The following ZDHHC7 variants were observed in gnomAD, a reference collection of about 807,000 sequenced individuals.
ZDHHC7 encodes zDHHC palmitoyltransferase 7, also known as palmitoyltransferase ZDHHC7.
A neutral mutation model predicts 34.1 loss-of-function variants in ZDHHC7; 12 were observed. The observed-to-expected ratio is 0.35, with a 90% confidence interval of 0.23 to 0.57. The LOEUF is 0.57. Ranked by LOEUF, ZDHHC7 falls within the 20% of genes least tolerant of loss-of-function variation. ZDHHC7 has a pLI of 0.84. For missense variants in ZDHHC7, 388 were observed against 402.7 expected, an observed-to-expected ratio of 0.96 and a Z score of 0.31; for synonymous variants, 185 against 155.4, an observed-to-expected ratio of 1.19 and a Z score of -1.42.
At chr16:85,019,232 T>C in the ZDHHC7 span, among the ~76,000 whole-genome samples, 1 of 152,228 alleles carries the variant, frequency 6.6e-6, no homozygotes, top group Non-Finnish European at 1.5e-5. Flanking sequence ...CCTTGCCACA[T>C]CTCACGTCTC....
At chr16:84,987,670 G>C (rs958340343) in intron 3 of ZDHHC7, among the ~76,000 whole-genome samples, 1 of 152,216 alleles carries the variant, frequency 6.6e-6, no homozygotes, top group African/African-American at 2.4e-5. Flanking sequence ...AGCATGATTT[G>C]TAACAGCCGA....
chr16:85,022,615 A>G, the ZDHHC7 span, among the ~76,000 whole-genome samples: 2 of 152,166 alleles, frequency 1.3e-5, no homozygotes, highest in Non-Finnish European at 2.9e-5. Flanking sequence ...CTGAAAGTTC[A>G]TTGAGTTTGT....
upstream of ZDHHC7, among the ~76,000 whole-genome samples, chr16:85,011,994 C>G (rs570859461): frequency 1.3e-5 from 2 of 152,178 alleles, no homozygotes; most frequent in African/African-American, 4.8e-5. Context: ...CTGAGGTCCG[C>G]GGAGCCCCCG....
At chr16:85,013,634 T>G (rs60115438), upstream of ZDHHC7, among the ~76,000 whole-genome samples, 14,671 of 152,292 alleles carry the variant, frequency 0.096, 1,042 homozygotes, top group African/African-American at 0.19. Flanking sequence ...CTTATGAATA[T>G]ATGAGATGTA....
intron 6 of ZDHHC7, 109 bp downstream of exon 6, chr16:84,977,815 T>C: frequency 1.2e-6 from 1 of 805,354 alleles, no homozygotes; most frequent in African/African-American, 1.8e-5. Context: ...CTAAAATAAT[T>C]GCAATGATTT....
chr16:84,987,810 C>T (rs1301657417), intron 3 of ZDHHC7, among the ~76,000 whole-genome samples: 1 of 152,152 alleles, frequency 6.6e-6, no homozygotes, highest in Non-Finnish European at 1.5e-5. Context: ...CGATGGACCC[C>T]GAAGACGCAA....
At chr16:84,986,539 G>C (rs980166256) in intron 3 of ZDHHC7, among the ~76,000 whole-genome samples, 1 of 152,190 alleles carries the variant, frequency 6.6e-6, no homozygotes, top group African/African-American at 2.4e-5. Context: ...AAGGGATGCA[G>C]GGCCCAGGGC....
At chr16:85,003,756 G>C (rs2072681645) in intron 1 of ZDHHC7, among the ~76,000 whole-genome samples, 1 of 152,168 alleles carries the variant, frequency 6.6e-6, no homozygotes, top group African/African-American at 2.4e-5. Flanking sequence ...AGTAGGATCA[G>C]AACACTGCAG....
chr16:84,990,405 G>A lies in ZDHHC7; in HGVS notation c.214C>T (p.Pro72Ser), dbSNP rs867198187. Residue 72 changes from proline (P) to serine (S), a missense_variant, in exon 3 of 8, where the codon CCT becomes TCT. By Grantham distance (74) the Pro-to-Ser change is moderately conservative. Coordinates refer to ENST00000313732, the MANE Select transcript of ZDHHC7 (RefSeq NM_017740.3). ...ACAGAGTACCAGAAGTCTTTGGAAG[G>A]CAGCAGCATGACGAAAGTCACCACG... is the stretch of plus-strand genomic sequence containing the variant. ...DFVVTFVMLL[P>S]SKDFWYSVVN... is the part of the protein sequence containing the mutation. 1 of 1,614,144 alleles carries A rather than the reference G, an allele frequency of 6.2e-7. No individual in the cohort carries two copies. The highest frequency in any genetic ancestry group is 1.6e-4 in the Middle Eastern group (1 of 6,062).
At chr16:84,986,161 C>T (rs567512864) in intron 3 of ZDHHC7, among the ~76,000 whole-genome samples, 8 of 152,226 alleles carry the variant, frequency 5.3e-5, no homozygotes, top group Non-Finnish European at 8.8e-5. Context: ...AGGGGAACGG[C>T]GTGGGCGAGG....
At chr16:85,013,672 TATTA>T (rs1313137406), upstream of ZDHHC7, among the ~76,000 whole-genome samples, 1 of 152,066 alleles carries the variant, frequency 6.6e-6, no homozygotes, top group Non-Finnish European at 1.5e-5. Flanking sequence ...GTTTTTCTCT[TATTA>T]ATTTGTGTTT....
At chr16:85,014,168 C>T (rs2072824924), upstream of ZDHHC7, among the ~76,000 whole-genome samples, 1 of 152,054 alleles carries the variant, frequency 6.6e-6, no homozygotes, top group Non-Finnish European at 1.5e-5. Flanking sequence ...TTTTGTCAAC[C>T]CAAAATAATC....
At chr16:84,978,520 G>C (rs2072327124) in intron 5 of ZDHHC7, among the ~76,000 whole-genome samples, 1 of 152,132 alleles carries the variant, frequency 6.6e-6, no homozygotes, top group Admixed American at 6.6e-5. Flanking sequence ...GATGGCTTGA[G>C]CTCAGGAGTT....
intron 2 of ZDHHC7, among the ~76,000 whole-genome samples, chr16:84,992,373 T>C (rs1424968920): frequency 6.7e-6 from 1 of 149,980 alleles, no homozygotes; most frequent in African/African-American, 2.4e-5. Context: ...CTCAGGAGGC[T>C]GAGGCAGGAG....
Position 84,981,736 on chromosome 16 carries a change from G to A in ZDHHC7, c.440+134C>T, listed in dbSNP as rs879079908. 1.1e-4 allele frequency: 169 copies of A among 1,533,492 alleles called. No individual in the cohort carries two copies. In the South Asian group the frequency reaches 2.0e-3, roughly 18 times the overall value. The allele number at this position is 1,533,492 out of a possible 1,614,324, so 95.0% of individuals were successfully genotyped here. The stretch of plus-strand genomic sequence containing the variant: ...CCCCAGAAAGAACATGACACCTACG[G>A]CCCCGCCCGTACAACGTTGCCCAGA... On this transcript the variant is annotated intron_variant, in intron 4 of 7. Transcript: ENST00000313732.
Position 84,975,134 on chromosome 16 carries a change from G to A in ZDHHC7, c.*1209C>T. 1 of 152,702 alleles carries A rather than the reference G, an allele frequency of 6.5e-6. No homozygotes were observed. Among genetic ancestry groups the A allele is most frequent in the East Asian group, 1.9e-4 (1 of 5,198 alleles). 9.5% of individuals were successfully genotyped at this position (152,702 alleles called of 1,614,324 possible). On this transcript the variant is annotated 3_prime_UTR_variant, in exon 8 of 8. Transcript: ENST00000313732. ...GCATAATTTTAAGCTCCGCACCAAGGATCCTATTTTATCACCTGTGCCGTG... is the reference window on the plus strand; with the variant it reads ...GCATAATTTTAAGCTCCGCACCAAGAATCCTATTTTATCACCTGTGCCGTG...
intron 5 of ZDHHC7, 102 bp downstream of exon 5, chr16:84,979,087 G>C (rs1015986225): frequency 6.9e-6 from 8 of 1,156,970 alleles, no homozygotes; most frequent in Admixed American, 3.1e-5. Context: ...AAAGGCTGGA[G>C]AGAAACTGGC....
In ZDHHC7 at chr16:84,981,539, C is replaced by T. The variant is rs144480937; in HGVS notation, c.440+331G>A. 2.0e-5 allele frequency among the ~76,000 whole-genome samples: 3 copies of T among 152,338 alleles called. No individual in the cohort carries two copies. In the East Asian group the frequency reaches 5.8e-4, roughly 29 times the overall value. ...AGGATGTGCCCAGGAGCTGTGAGCA[C>T]ACACGTGCTGGCCTGTGTGGCATGT... is the stretch of plus-strand genomic sequence containing the variant. On this transcript the variant is annotated intron_variant, in intron 4 of 7. Coordinates refer to ENST00000313732, the MANE Select transcript of ZDHHC7 (RefSeq NM_017740.3).
chr16:84,998,191 G>C (rs971024150), intron 1 of ZDHHC7, among the ~76,000 whole-genome samples: 83 of 151,258 alleles, frequency 5.5e-4, no homozygotes, highest in African/African-American at 1.8e-3. Flanking sequence ...GCGAACCCGG[G>C]AGGCGGAGTT....
Sources: allele counts gnomAD v4.1 joint callset (sites outside exome capture counted in the v4.1 genomes callset), GRCh38; gene constraint gnomAD v4.1.1; transcripts MANE v1.5; gene names NCBI Gene and HGNC (gene_info 2026-07-23, HGNC 2026-07-21).